Variants in SP140 observed in about 807,000 individuals in gnomAD.
SP140 encodes the protein SP140 nuclear body protein.
Under a neutral mutation model 125.0 loss-of-function variants are expected in SP140, and 81 were observed. That is an observed-to-expected ratio of 0.65 (90% CI 0.54 to 0.78). The LOEUF is 0.78. SP140 is among the 30% of genes least tolerant of loss of function. SP140 has a pLI of 0.00. For synonymous variants in SP140, 312 were observed against 354.0 expected (o/e 0.88, Z 1.33); for missense variants, 858 against 1,037.0 (o/e 0.83, Z 2.37).
intron 1 of SP140, among the ~76,000 whole-genome samples, chr2:230,235,555 A>G (rs544735594): frequency 2.0e-5 from 3 of 152,308 alleles, no homozygotes; most frequent in African/African-American, 4.8e-5. Flanking sequence ...GTGATCCTCT[A>G]TTCTATCCTG....
At chr2:230,221,605 T>C (rs750618587), upstream of SP140, 10 of 1,161,552 alleles carry the variant, frequency 8.6e-6, no homozygotes, top group Middle Eastern at 2.1e-4. Flanking sequence ...AGAGGGTGCA[T>C]TGATGCCTCA....
intron 17 of SP140, 81 bp downstream of exon 17, chr2:230,285,913 C>A: frequency 9.4e-7 from 1 of 1,063,302 alleles, no homozygotes; most frequent in Non-Finnish European, 1.5e-6. Flanking sequence ...CCTAGATCCA[C>A]CTTAATTGTT....
chr2:230,186,907 A>G, the SP140 span, among the ~76,000 whole-genome samples: 505 of 152,300 alleles, frequency 3.3e-3, 2 homozygotes, highest in African/African-American at 0.012. Context: ...TCATTGGTCA[A>G]TGGGCACTGA....
In SP140 at chr2:230,225,764, G is replaced by A. The variant is rs895814673; in HGVS notation, c.-81G>A. On this transcript the variant is annotated 5_prime_UTR_variant, in exon 1 of 27. Transcript: ENST00000392045. Reference sequence around the variant, plus strand: ...TTCCTCTTTGACTGAGCACCGAGGGGCAGTTGGCAGCTTCACCTCAGAGCT... The same window carrying A: ...TTCCTCTTTGACTGAGCACCGAGGGACAGTTGGCAGCTTCACCTCAGAGCT... The A allele has an allele frequency of 4.3e-6, 5 of 1,157,116 alleles. No homozygotes were observed. The highest frequency in any genetic ancestry group is 1.5e-5 in the African/African-American group (1 of 66,048). 71.7% of individuals were successfully genotyped at this position (1,157,116 alleles called of 1,614,324 possible). A position where few individuals can be genotyped will look rare whatever the true frequency, so the allele number is the denominator to read the frequency against.
intron 22 of SP140, among the ~76,000 whole-genome samples, chr2:230,302,165 C>T (rs1022850883): frequency 6.6e-6 from 1 of 151,538 alleles, no homozygotes; most frequent in Non-Finnish European, 1.5e-5. Context: ...GTGGGTGGAT[C>T]ACAAGGTCAG....
At chr2:230,298,089 C>T (rs1334590300) in intron 22 of SP140, among the ~76,000 whole-genome samples, 2 of 152,132 alleles carry the variant, frequency 1.3e-5, no homozygotes, top group Non-Finnish European at 2.9e-5. Flanking sequence ...CCTAGCAAAT[C>T]CTGAGGCATT....
chr2:230,237,908 GA>G lies in SP140; in HGVS notation c.238-303del, dbSNP rs2048213710. The stretch of plus-strand genomic sequence containing the variant: ...AGTAGTGGTTATTGTCCATGCAACA[GA>G]ACAGCCTTGTTAAGGCCACTCCTGA... On this transcript the variant is annotated intron_variant, in intron 2 of 26. Transcript: ENST00000392045. This position sits in a 1 kb window ranked among gnomAD's most constrained non-coding sequence, Gnocchi z 5.4. 6.6e-6 allele frequency among the ~76,000 whole-genome samples: 1 copy of G among 152,176 alleles called. No individual in the cohort carries two copies. The highest frequency in any genetic ancestry group is 1.5e-5 in the Non-Finnish European group (1 of 68,030).
intron 1 of SP140, among the ~76,000 whole-genome samples, chr2:230,210,561 T>C (rs1010059760): frequency 7.9e-5 from 12 of 152,256 alleles, no homozygotes; most frequent in Non-Finnish European, 1.2e-4. Context: ...CTAAATGCCT[T>C]ATATATTTCT....
chr2:230,199,152 T>TA (rs2043015869), upstream of SP140, among the ~76,000 whole-genome samples: 92 of 106,818 alleles, frequency 8.6e-4, no homozygotes, highest in Middle Eastern at 5.4e-3. Context: ...ATTATTATTT[T>TA]TTTTTTTTTT....
chr2:230,226,589 C>G (rs1239127442), intron 1 of SP140, among the ~76,000 whole-genome samples: 2 of 151,726 alleles, frequency 1.3e-5, no homozygotes, highest in African/African-American at 4.8e-5. Context: ...GTGGAGAAAC[C>G]CTGTCTTTAC....
intron 12 of SP140, among the ~76,000 whole-genome samples, chr2:230,267,619 A>G (rs1395191398): frequency 6.6e-6 from 1 of 152,208 alleles, no homozygotes; most frequent in Non-Finnish European, 1.5e-5. Flanking sequence ...TAAGAAAAGT[A>G]CAAGAGTTAG....
At chr2:230,262,029 T>C (rs1054692566) in intron 12 of SP140, among the ~76,000 whole-genome samples, 3 of 152,172 alleles carry the variant, frequency 2.0e-5, no homozygotes, top group South Asian at 2.1e-4. Context: ...AAAGGATTGG[T>C]ACCAATTCTT....
the SP140 span, among the ~76,000 whole-genome samples, chr2:230,191,150 G>A: frequency 6.6e-6 from 1 of 152,100 alleles, no homozygotes; most frequent in East Asian, 1.9e-4. Context: ...AGTGTTAAGA[G>A]GAAAACTTGT....
chr2:230,187,247 T>C, the SP140 span, among the ~76,000 whole-genome samples: 1 of 152,196 alleles, frequency 6.6e-6, no homozygotes, highest in African/African-American at 2.4e-5. Context: ...ATTTCCCTGA[T>C]GATTAGTGAT....
chr2:230,212,345 A>AC lies in SP140; in HGVS notation c.-322-1307dup, dbSNP rs397515571. On this transcript the variant is annotated intron_variant, in intron 1 of 4. Transcript: ENST00000456542. ...AGCGGTATCAGCCCCAGTCAGTGTT[A>AC]CCTTGCACAGTGCTAGTGAGGAGGC... 10 of 1,607,758 alleles carry AC rather than the reference A, an allele frequency of 6.2e-6. No homozygotes were observed. The highest frequency in any genetic ancestry group is 8.5e-6 in the Non-Finnish European group (10 of 1,174,318).
chr2:230,197,160 C>A, the SP140 span, among the ~76,000 whole-genome samples: 1 of 152,116 alleles, frequency 6.6e-6, no homozygotes, highest in East Asian at 1.9e-4. Context: ...GTCCCACCAA[C>A]AGTGTAAAAG....
At chr2:230,197,145 G>T in the SP140 span, among the ~76,000 whole-genome samples, 18 of 152,194 alleles carry the variant, frequency 1.2e-4, no homozygotes, top group African/African-American at 3.6e-4. Flanking sequence ...TTGAACTAGT[G>T]TACAGTCCCA....
At position 230,269,816 on chromosome 2, in the gene SP140, T is replaced by C. The variant is rs768890364; in HGVS notation, c.1328-21T>C. ...CACTGGGTCAAACTGAAAGTCTTCA[T>C]GAATCACAATTTTGGCCCAGGAGCG... On this transcript the variant is annotated intron_variant, in intron 13 of 26. Transcript: ENST00000392045. 16 of 1,576,764 alleles carry C rather than the reference T, an allele frequency of 1.0e-5. No individual in the cohort carries two copies. The East Asian group carries it at 3.1e-4, about 31-fold the overall frequency.
chr2:230,212,568 G>A (rs1259479347), intron 1 of SP140: 12 of 1,037,342 alleles, frequency 1.2e-5, no homozygotes, highest in Non-Finnish European at 1.8e-5. Flanking sequence ...GTGGGAAGCA[G>A]GTGTTCTGGA....
Sources: allele counts gnomAD v4.1 joint callset (sites outside exome capture counted in the v4.1 genomes callset), GRCh38; gene constraint gnomAD v4.1.1; non-coding constraint Gnocchi (gnomAD v3.1); transcripts MANE v1.5; gene names NCBI Gene and HGNC (gene_info 2026-07-23, HGNC 2026-07-21).